The following SMAD3 variants were observed in gnomAD, a reference collection of about 807,000 sequenced individuals.
The protein encoded by SMAD3 is SMAD family member 3.
In SMAD3, 12 loss-of-function variants were observed where a neutral mutation model predicts 51.8. The ratio of observed to expected loss-of-function variants is 0.23; its 90% CI spans 0.15 to 0.38. The LOEUF (loss-of-function observed/expected upper bound fraction) is 0.38. Ranked by LOEUF, SMAD3 falls within the 10% of genes least tolerant of loss-of-function variation. The probability of loss-of-function intolerance (pLI) is 1.00; values close to 1 mark genes in which losing one functional copy is unlikely to be tolerated. For missense variants in SMAD3, 294 were observed against 565.6 expected (o/e 0.52, Z 4.87); for synonymous variants, 238 against 227.7 (o/e 1.05, Z -0.41).
At chr15:67,132,411 G>T (rs1961547203) in intron 1 of SMAD3, among the ~76,000 whole-genome samples, 1 of 152,150 alleles carries the variant, frequency 6.6e-6, no homozygotes, top group South Asian at 2.1e-4. Flanking sequence ...CCTCCCATAG[G>T]CAAGATGGAA....
At chr15:67,146,506 C>T (rs935351790) in intron 1 of SMAD3, among the ~76,000 whole-genome samples, 3 of 152,162 alleles carry the variant, frequency 2.0e-5, no homozygotes, top group African/African-American at 7.2e-5. Flanking sequence ...TGTTCCATGG[C>T]ACCAGGGTTG....
intron 5 of SMAD3, among the ~76,000 whole-genome samples, chr15:67,179,061 A>G (rs141972287): frequency 5.4e-4 from 82 of 152,330 alleles, no homozygotes; most frequent in African/African-American, 1.9e-3. Context: ...CGCGCCCTGC[A>G]CCTCACATGA....
Position 67,165,336 on chromosome 15 carries a change from G to A in SMAD3, c.484G>A (p.Glu162Lys), listed in dbSNP as rs749178459. The A allele has an allele frequency of 3.1e-6, 5 of 1,614,112 alleles. No homozygotes were observed. Among genetic ancestry groups the A allele is most frequent in the East Asian group, 2.2e-5 (1 of 44,866 alleles). The change falls in exon 3 of 9, where the codon GAA becomes AAA. Residue 162 changes from glutamate to lysine, a missense_variant. Glu to Lys is a moderately conservative substitution (Grantham distance 56, BLOSUM62 1). Transcript: ENST00000327367. ...PLDDYSHSIP[E>K]NTNFPAGIEP... is the part of the protein sequence containing the mutation. ...GGACGACTACAGCCATTCCATCCCC[G>A]AAAACACTAACTTCCCCGCAGGCAT... is the stretch of plus-strand genomic sequence containing the variant.
At chr15:67,144,654 T>C (rs1961926831) in intron 1 of SMAD3, among the ~76,000 whole-genome samples, 1 of 152,196 alleles carries the variant, frequency 6.6e-6, no homozygotes, top group Admixed American at 6.5e-5. Flanking sequence ...GGCCTATCAG[T>C]AGTGCACTAG....
At chr15:67,106,201 C>A (rs180889468) in intron 1 of SMAD3, among the ~76,000 whole-genome samples, 4 of 152,322 alleles carry the variant, frequency 2.6e-5, no homozygotes, top group Admixed American at 6.5e-5. Context: ...CCAGCATGAT[C>A]TCTAAGAAAT....
At chr15:67,093,468 C>G in intron 1 of SMAD3, among the ~76,000 whole-genome samples, 1 of 152,170 alleles carries the variant, frequency 6.6e-6, no homozygotes, top group East Asian at 1.9e-4. Flanking sequence ...GTGACTGTCA[C>G]GCTCCTGGCA....
chr15:67,069,001 C>G (rs1566957409), intron 1 of SMAD3, among the ~76,000 whole-genome samples: 4 of 152,198 alleles, frequency 2.6e-5, no homozygotes, highest in African/African-American at 9.7e-5. Context: ...CTTAAAAACA[C>G]TCTGCAAGAT....
chr15:67,132,547 G>A (rs1425377487), intron 1 of SMAD3, among the ~76,000 whole-genome samples: 2 of 152,280 alleles, frequency 1.3e-5, no homozygotes, highest in Admixed American at 1.3e-4. Flanking sequence ...TGTAGAATGG[G>A]AGGAATTGTG....
chr15:67,081,716 C>A (rs369496956), intron 1 of SMAD3, among the ~76,000 whole-genome samples: 7 of 152,118 alleles, frequency 4.6e-5, no homozygotes, highest in East Asian at 1.9e-4. Flanking sequence ...ACGTTGCATC[C>A]AAGGGCAGAA....
intron 1 of SMAD3, among the ~76,000 whole-genome samples, chr15:67,122,371 G>T (rs1444026972): frequency 6.6e-6 from 1 of 152,114 alleles, no homozygotes. Context: ...GTGGTGGCTG[G>T]TTTCTCTTGG....
At chr15:67,135,785 T>G (rs1961644826) in intron 1 of SMAD3, among the ~76,000 whole-genome samples, 1 of 152,214 alleles carries the variant, frequency 6.6e-6, no homozygotes, top group Admixed American at 6.5e-5. Context: ...TGTGTTTTCA[T>G]CGTATTATAA....
intron 1 of SMAD3, among the ~76,000 whole-genome samples, chr15:67,157,240 CTT>C (rs1460583367): frequency 6.6e-6 from 1 of 152,220 alleles, no homozygotes; most frequent in Non-Finnish European, 1.5e-5. Flanking sequence ...CAAATTTACT[CTT>C]TGTTCACTTC....
At chr15:67,088,934 A>AT (rs1237519715) in intron 1 of SMAD3, among the ~76,000 whole-genome samples, 3 of 152,116 alleles carry the variant, frequency 2.0e-5, no homozygotes, top group Non-Finnish European at 4.4e-5. Context: ...CTTAAAAAAA[A>AT]GGGGGTGCTG....
chr15:67,179,456 A>T (rs1962993238), intron 5 of SMAD3, among the ~76,000 whole-genome samples: 1 of 151,156 alleles, frequency 6.6e-6, no homozygotes, highest in African/African-American at 2.4e-5. Context: ...ATCTGGCCCC[A>T]GATGTCAGTA....
chr15:67,124,052 A>T (rs572745683), intron 1 of SMAD3, among the ~76,000 whole-genome samples: 1 of 152,150 alleles, frequency 6.6e-6, no homozygotes, highest in Non-Finnish European at 1.5e-5. Flanking sequence ...CCGTGGTGCA[A>T]TGATAGCTTA....
intron 1 of SMAD3, among the ~76,000 whole-genome samples, chr15:67,122,903 C>A (rs1467509308): frequency 2.6e-5 from 4 of 152,066 alleles, no homozygotes; most frequent in Admixed American, 2.6e-4. Context: ...TAAATACTTG[C>A]GTCCGGGCAT....
chr15:67,088,520 C>T (rs536614139), intron 1 of SMAD3, among the ~76,000 whole-genome samples: 8 of 152,190 alleles, frequency 5.3e-5, no homozygotes, highest in East Asian at 3.9e-4. Flanking sequence ...GGGGCGGTAG[C>T]GAGGGAAACA....
intron 1 of SMAD3, among the ~76,000 whole-genome samples, chr15:67,156,492 G>A (rs1223206892): frequency 6.6e-6 from 1 of 152,206 alleles, no homozygotes; most frequent in South Asian, 2.1e-4. Flanking sequence ...ATGCAGCCTA[G>A]CTTCACTTTA....
chr15:67,154,659 T>C (rs1433710567), intron 1 of SMAD3, among the ~76,000 whole-genome samples: 1 of 152,166 alleles, frequency 6.6e-6, no homozygotes, highest in Non-Finnish European at 1.5e-5. Flanking sequence ...CAGGGTGTAG[T>C]ATATTCAGTG....
Sources: gnomAD v4.1 joint callset for allele counts (sites outside exome capture counted in the v4.1 genomes callset) on GRCh38, gnomAD v4.1.1 for gene constraint, MANE v1.5 for transcripts, NCBI Gene and HGNC (gene_info 2026-07-23, HGNC 2026-07-21) for gene names.